KCNMA1: variants seen among roughly 807,000 people sequenced by gnomAD.
KCNMA1 encodes Calcium-activated potassium channel subunit alpha-1.
A neutral mutation model predicts 140.0 loss-of-function variants in KCNMA1; 29 were observed. The observed-to-expected ratio is 0.21, with a 90% CI of 0.15 to 0.28. The LOEUF is 0.28. Ranked by LOEUF, KCNMA1 falls within the 10% of genes least tolerant of loss-of-function variation. The pLI is 1.00. For missense variants in KCNMA1, 880 were observed against 1,602.2 expected (o/e 0.55, Z 7.70); for synonymous variants, 612 against 611.9 (o/e 1.00, Z 0.00).
At chr10:76,879,096 G>A (rs1183756332) in intron 29 of KCNMA1, among the ~76,000 whole-genome samples, 2 of 152,070 alleles carry the variant, frequency 1.3e-5, no homozygotes, top group African/African-American at 2.4e-5. Context: ...TTGATAGGGG[G>A]CGTTGGGGGT....
In KCNMA1 at chr10:77,236,891, T is replaced by C. The variant is rs181111413; in HGVS notation, c.602+14304A>G. 1.5e-3 allele frequency among the ~76,000 whole-genome samples: 233 copies of C among 152,342 alleles called. 4 individuals carry two copies. Among genetic ancestry groups the C allele is most frequent in the African/African-American group, 5.4e-3 (226 of 41,580 alleles). On this transcript the variant is annotated intron_variant, in intron 3 of 27. Coordinates refer to ENST00000286628, the MANE Select transcript of KCNMA1 (RefSeq NM_001161352.2). The stretch of plus-strand genomic sequence containing the variant: ...AACTCTTGGCCTCAAGCCATACTCT[T>C]GACTCAGCCTCCTGAGTAGCTGGGA...
chr10:77,393,440 T>G (rs1025045013), intron 2 of KCNMA1, among the ~76,000 whole-genome samples: 2 of 152,218 alleles, frequency 1.3e-5, no homozygotes, highest in African/African-American at 4.8e-5. Context: ...TCAGAGGCAC[T>G]GTTCTAAATA....
At chr10:77,388,182 C>A (rs1185985306) in intron 2 of KCNMA1, among the ~76,000 whole-genome samples, 1 of 152,168 alleles carries the variant, frequency 6.6e-6, no homozygotes, top group Non-Finnish European at 1.5e-5. Flanking sequence ...TCTCTTTGGC[C>A]TTCTTTCCAA....
At chr10:76,878,133 C>A (rs561779515) in intron 29 of KCNMA1, among the ~76,000 whole-genome samples, 1 of 152,100 alleles carries the variant, frequency 6.6e-6, no homozygotes, top group South Asian at 2.1e-4. Flanking sequence ...GCACCATGGG[C>A]GGACCTCAGA....
At chr10:77,279,586 G>T (rs748936210) in intron 2 of KCNMA1, among the ~76,000 whole-genome samples, 2 of 152,188 alleles carry the variant, frequency 1.3e-5, no homozygotes, top group South Asian at 4.1e-4. Context: ...AGGGTGTGAT[G>T]ATTTTAAGAA....
At chr10:77,001,042 C>A (rs1267242165) in intron 19 of KCNMA1, among the ~76,000 whole-genome samples, 2 of 151,678 alleles carry the variant, frequency 1.3e-5, no homozygotes, top group Non-Finnish European at 2.9e-5. Context: ...AATTTACAGC[C>A]ATTTCAAAAA....
chr10:76,931,831 T>G (rs912368404), intron 23 of KCNMA1, among the ~76,000 whole-genome samples: 3 of 152,232 alleles, frequency 2.0e-5, no homozygotes, highest in African/African-American at 7.2e-5. Flanking sequence ...TTACCTGGTC[T>G]GCTCACCTTC....
intron 5 of KCNMA1, among the ~76,000 whole-genome samples, chr10:77,127,090 AC>A (rs2097759292): frequency 1.9e-4 from 1 of 5,352 alleles, no homozygotes; most frequent in South Asian, 3.6e-3. Flanking sequence ...ACACACACAC[AC>A]ACACACACAC....
intron 3 of KCNMA1, among the ~76,000 whole-genome samples, chr10:77,185,358 C>T (rs2098840498): frequency 6.6e-6 from 1 of 152,052 alleles, no homozygotes; most frequent in Admixed American, 6.6e-5. Flanking sequence ...GCAGTGGGGC[C>T]TGTTTTCAAT....
intron 2 of KCNMA1, among the ~76,000 whole-genome samples, chr10:77,282,346 G>A (rs1294755858): frequency 3.9e-5 from 6 of 152,064 alleles, no homozygotes; most frequent in Non-Finnish European, 8.8e-5. Context: ...GCCACCACGT[G>A]GACTTTGCAA....
intron 15 of KCNMA1, among the ~76,000 whole-genome samples, chr10:77,030,896 A>T (rs1237694788): frequency 6.6e-6 from 1 of 152,180 alleles, no homozygotes; most frequent in African/African-American, 2.4e-5. Flanking sequence ...ACCCAAAACA[A>T]GCTGTGGCCC....
chr10:77,567,561 G>A (rs1197400112), intron 1 of KCNMA1, among the ~76,000 whole-genome samples: 1 of 152,206 alleles, frequency 6.6e-6, no homozygotes, highest in Non-Finnish European at 1.5e-5. Flanking sequence ...AAACTATTTA[G>A]TATCCAGAAC....
At chr10:77,596,473 A>G (rs925493033) in intron 1 of KCNMA1, among the ~76,000 whole-genome samples, 2 of 152,196 alleles carry the variant, frequency 1.3e-5, no homozygotes, top group Non-Finnish European at 1.5e-5. Context: ...TACTAAACAG[A>G]TGAAAAGTCT....
At chr10:76,928,834 C>T (rs2058513693) in intron 23 of KCNMA1, among the ~76,000 whole-genome samples, 1 of 152,046 alleles carries the variant, frequency 6.6e-6, no homozygotes. Context: ...GGAGTTTGCG[C>T]CTTAAAAACT....
intron 5 of KCNMA1, among the ~76,000 whole-genome samples, chr10:77,151,222 T>G (rs1408954812): frequency 1.4e-5 from 2 of 142,404 alleles, no homozygotes; most frequent in Non-Finnish European, 3.1e-5. Context: ...CTTTCTTTCC[T>G]TCTTTCTTTC....
intron 21 of KCNMA1, among the ~76,000 whole-genome samples, chr10:76,950,818 T>C (rs1404326889): frequency 6.6e-6 from 1 of 152,220 alleles, no homozygotes; most frequent in Non-Finnish European, 1.5e-5. Context: ...ATTATTGGTT[T>C]CCCTCTGCAA....
At chr10:77,018,183 C>T (rs1234993661) in intron 17 of KCNMA1, among the ~76,000 whole-genome samples, 1 of 152,104 alleles carries the variant, frequency 6.6e-6, no homozygotes, top group African/African-American at 2.4e-5. Context: ...CTAGAACAGG[C>T]CTGGCTTTGA....
intron 1 of KCNMA1, among the ~76,000 whole-genome samples, chr10:77,489,623 G>A (rs2098507829): frequency 1.3e-5 from 2 of 152,230 alleles, no homozygotes; most frequent in Admixed American, 6.5e-5. Flanking sequence ...ACAGGCGTGA[G>A]CCACCGCGCC....
intron 15 of KCNMA1, among the ~76,000 whole-genome samples, chr10:77,032,928 TC>T (rs1185950912): frequency 6.6e-6 from 1 of 152,126 alleles, no homozygotes; most frequent in Non-Finnish European, 1.5e-5. Flanking sequence ...TGGAAACCTG[TC>T]ATAGAGTTTG....
Sources: gnomAD v4.1 joint callset for allele counts (sites outside exome capture counted in the v4.1 genomes callset) on GRCh38, gnomAD v4.1.1 for gene constraint, MANE v1.5 for transcripts, NCBI Gene and HGNC (gene_info 2026-07-23, HGNC 2026-07-21) for gene names.